ERC2: variants seen among roughly 807,000 people sequenced by gnomAD.
The protein encoded by ERC2 is ELKS/RAB6-interacting/CAST family member 2, also known as ERC protein 2.
In ERC2, 42 loss-of-function variants were observed where a neutral mutation model predicts 114.8. The ratio of observed to expected loss-of-function variants is 0.37; its 90% confidence interval spans 0.29 to 0.47. ERC2 has a LOEUF of 0.47. Ranked by LOEUF, ERC2 falls within the 20% of genes least tolerant of loss-of-function variation. The pLI is 0.99. For missense variants in ERC2, 939 were observed against 1,150.7 expected, an observed-to-expected ratio of 0.82 and a Z score of 2.66; for synonymous variants, 454 against 425.5, an observed-to-expected ratio of 1.07 and a Z score of -0.82.
intron 12 of ERC2, among the ~76,000 whole-genome samples, chr3:55,951,001 C>T (rs1367332217): frequency 1.3e-5 from 2 of 152,164 alleles, no homozygotes; most frequent in Admixed American, 6.5e-5. Flanking sequence ...GGTGAGACTA[C>T]AAGGAGCTAA....
At chr3:56,303,341 A>C (rs866310581) in intron 2 of ERC2, among the ~76,000 whole-genome samples, 7 of 152,206 alleles carry the variant, frequency 4.6e-5, no homozygotes, top group Non-Finnish European at 8.8e-5. Context: ...TCTCCAGTCC[A>C]CAAAAGGGAA....
At position 55,969,392 on chromosome 3, in the gene ERC2, TACACACACACACACACACACAC is replaced by T. The variant is rs10555030; in HGVS notation, c.2267+16563_2267+16584del. Among the ~76,000 whole-genome samples, 39 of 140,688 alleles carry T rather than the reference TACACACACACACACACACACAC, an allele frequency of 2.8e-4. No individual in the cohort carries two copies. In the Middle Eastern group the frequency reaches 0.011, roughly 40 times the overall value. 92.3% of individuals were successfully genotyped at this position (140,688 alleles called of 152,430 possible). On this transcript the variant is annotated intron_variant, in intron 12 of 17. Coordinates refer to ENST00000288221, the MANE Select transcript of ERC2 (RefSeq NM_015576.3). Reference sequence around the variant, plus strand: ...TCGCTGGTCAGGAATTTTATACACATACACACACACACACACACACACACACACACACACACACACACACCCT... The same window carrying T: ...TCGCTGGTCAGGAATTTTATACACATACACACACACACACACACACACCCT...
Position 56,296,348 on chromosome 3 carries a change from G to T in ERC2, c.745C>A (p.Arg249=). 2 of 1,614,004 alleles carry T rather than the reference G, an allele frequency of 1.2e-6. No individual in the cohort carries two copies. Among genetic ancestry groups the T allele is most frequent in the South Asian group, 1.1e-5 (1 of 91,086 alleles). ...TCGATGGTGAAGTGCTCCGCTCCTC[G>T]GTTGCCACTCTCTTGCTGGAGGAGG... The part of the protein sequence containing the change: ...NHLLQQESGN[R]GAEHFTIELT... The change falls in exon 3 of 18, where the codon CGA becomes AGA. Residue 249 remains arginine (R), a synonymous_variant. Transcript: ENST00000288221.
intron 3 of ERC2, among the ~76,000 whole-genome samples, chr3:56,190,249 C>G (rs547040864): frequency 6.6e-6 from 1 of 152,288 alleles, no homozygotes; most frequent in South Asian, 2.1e-4. Flanking sequence ...CTTGCTCTGC[C>G]ACCAACAAGC....
At chr3:56,087,179 T>TTGTG (rs59471652) in intron 6 of ERC2, among the ~76,000 whole-genome samples, 1,597 of 147,458 alleles carry the variant, frequency 0.011, 16 homozygotes, top group East Asian at 0.024. Flanking sequence ...TTTGATCCAT[T>TTGTG]TGTGTGTGTG....
intron 15 of ERC2, among the ~76,000 whole-genome samples, chr3:55,715,283 G>A (rs709341): frequency 0.58 from 88,212 of 151,980 alleles, 25,937 homozygotes; most frequent in South Asian, 0.71. Context: ...AGGGGACCTC[G>A]GCTGGATCAA....
intron 13 of ERC2, among the ~76,000 whole-genome samples, chr3:55,918,550 G>C (rs2065234254): frequency 1.3e-5 from 2 of 151,972 alleles, no homozygotes; most frequent in African/African-American, 4.8e-5. Flanking sequence ...ATCTGGGCTG[G>C]CCTTGGGACT....
At chr3:55,731,721 T>C (rs2065262765) in intron 15 of ERC2, among the ~76,000 whole-genome samples, 3 of 152,202 alleles carry the variant, frequency 2.0e-5, no homozygotes, top group Admixed American at 2.0e-4. Flanking sequence ...GCTTCTTCTC[T>C]ATAAGAGTAT....
intron 17 of ERC2, among the ~76,000 whole-genome samples, chr3:55,529,368 G>GT (rs1384761863): frequency 3.9e-5 from 6 of 152,194 alleles, no homozygotes; most frequent in Admixed American, 3.3e-4. Flanking sequence ...TCCTTAAACA[G>GT]TAAGTCAGTG....
intron 1 of ERC2, among the ~76,000 whole-genome samples, chr3:56,438,407 G>A (rs551410124): frequency 6.6e-6 from 1 of 151,130 alleles, no homozygotes; most frequent in Admixed American, 6.6e-5. Flanking sequence ...AGATGGATTT[G>A]AAACTGATCT....
At chr3:56,204,476 C>A (rs889758038) in intron 3 of ERC2, among the ~76,000 whole-genome samples, 3 of 132,862 alleles carry the variant, frequency 2.3e-5, no homozygotes, top group Non-Finnish European at 4.8e-5. Context: ...TAATTAGATG[C>A]TTTTATTTTA....
rs987452568 is a variant in ERC2, at chr3:55,604,624, C to T, written c.*39+79170G>A. On this transcript the variant is annotated intron_variant, in intron 17 of 17. Transcript: ENST00000288221. The stretch of plus-strand genomic sequence containing the variant: ...AAGGTAGTCAGGGGACAGAGCATGC[C>T]AGGCCTTGTAGGCTTGAGCTAAGCA... 2.0e-5 allele frequency among the ~76,000 whole-genome samples: 3 copies of T among 152,086 alleles called. No homozygotes were observed. The East Asian group carries it at 5.8e-4, about 29-fold the overall frequency.
At chr3:55,916,811 T>C (rs1218508466) in intron 13 of ERC2, among the ~76,000 whole-genome samples, 1 of 152,198 alleles carries the variant, frequency 6.6e-6, no homozygotes, top group Non-Finnish European at 1.5e-5. Flanking sequence ...TAAAAACATG[T>C]ATTTTTTGTT....
intron 2 of ERC2, among the ~76,000 whole-genome samples, chr3:56,407,093 G>A (rs558602909): frequency 1.2e-4 from 18 of 152,174 alleles, no homozygotes; most frequent in East Asian, 3.9e-4. Context: ...AAAACAACTC[G>A]TCTCAAGAGC....
At chr3:55,904,294 A>G (rs2064306765) in intron 13 of ERC2, among the ~76,000 whole-genome samples, 1 of 152,116 alleles carries the variant, frequency 6.6e-6, no homozygotes, top group African/African-American at 2.4e-5. Flanking sequence ...TAGAATAAAC[A>G]CACACACACA....
chr3:56,318,647 T>C (rs1474751333), intron 2 of ERC2, among the ~76,000 whole-genome samples: 1 of 150,772 alleles, frequency 6.6e-6, no homozygotes, highest in Non-Finnish European at 1.5e-5. Flanking sequence ...TTTGAAGAAA[T>C]GTCTATTTCT....
intron 7 of ERC2, among the ~76,000 whole-genome samples, chr3:56,037,062 A>G (rs2149646079): frequency 6.6e-6 from 1 of 152,370 alleles, no homozygotes; most frequent in East Asian, 1.9e-4. Flanking sequence ...TCAAAGATCA[A>G]GCAAAGGTAG....
At chr3:56,250,890 T>A (rs143229318) in intron 3 of ERC2, among the ~76,000 whole-genome samples, 78 of 152,310 alleles carry the variant, frequency 5.1e-4, no homozygotes, top group Non-Finnish European at 9.1e-4. Flanking sequence ...CAGTGAAAGA[T>A]GGACTAACTG....
intron 14 of ERC2, among the ~76,000 whole-genome samples, chr3:55,829,106 G>T (rs537539069): frequency 5.7e-4 from 87 of 152,186 alleles, no homozygotes; most frequent in Admixed American, 2.1e-3. Flanking sequence ...ACTCCAGCCT[G>T]GGCAACAGAG....
Sources: allele counts gnomAD v4.1 joint callset (sites outside exome capture counted in the v4.1 genomes callset), GRCh38; gene constraint gnomAD v4.1.1; transcripts MANE v1.5; gene names NCBI Gene and HGNC (gene_info 2026-07-23, HGNC 2026-07-21).